The following IL1RAPL1 variants were observed in gnomAD, a reference collection of about 807,000 sequenced individuals.
IL1RAPL1 encodes the protein interleukin 1 receptor accessory protein like 1.
IL1RAPL1 carries 3 observed loss-of-function variants against 48.4 expected under a neutral mutation model. The ratio of observed to expected loss-of-function variants is 0.06; its 90% CI spans 0.03 to 0.16. The LOEUF (loss-of-function observed/expected upper bound fraction) is 0.16. Ranked by LOEUF, IL1RAPL1 falls within the 10% of genes least tolerant of loss-of-function variation. The pLI is 1.00. For synonymous variants in IL1RAPL1, 185 were observed against 187.7 expected (o/e 0.99, Z 0.12); for missense variants, 349 against 530.6 (o/e 0.66, Z 3.36).
intron 5 of IL1RAPL1, among the ~76,000 whole-genome samples, chrX:29,644,773 G>A (rs915385174): frequency 1.8e-5 from 2 of 112,023 alleles, no homozygotes; most frequent in African/African-American, 6.5e-5. Flanking sequence ...CACCATGGCA[G>A]CCAGGCTGGT....
intron 2 of IL1RAPL1, among the ~76,000 whole-genome samples, chrX:28,856,335 G>A (rs1361362776): frequency 8.9e-6 from 1 of 111,963 alleles, no homozygotes; most frequent in Non-Finnish European, 1.9e-5. Context: ...TTATGCAAAT[G>A]TTGTTAAAAC....
intron 2 of IL1RAPL1, among the ~76,000 whole-genome samples, chrX:29,237,517 G>A (rs1005403936): frequency 8.9e-6 from 1 of 112,323 alleles, no homozygotes; most frequent in African/African-American, 3.2e-5. Context: ...TGTACACATC[G>A]ATAAGTAGTT....
intron 2 of IL1RAPL1, among the ~76,000 whole-genome samples, chrX:29,122,409 T>TCACACACACACACACA (rs59677285): frequency 1.4e-4 from 9 of 64,590 alleles, no homozygotes; most frequent in African/African-American, 6.2e-4. Flanking sequence ...TCTCTCTCTC[T>TCACACACACACACACA]CACACACACA....
At chrX:29,652,643 C>G (rs1269366053) in intron 5 of IL1RAPL1, among the ~76,000 whole-genome samples, 1 of 111,570 alleles carries the variant, frequency 9.0e-6, no homozygotes, top group Non-Finnish European at 1.9e-5. Context: ...AACCATTGTT[C>G]TGCTGTTACT....
At chrX:29,019,472 A>G (rs1926315421) in intron 2 of IL1RAPL1, among the ~76,000 whole-genome samples, 1 of 111,512 alleles carries the variant, frequency 9.0e-6, no homozygotes, top group South Asian at 3.8e-4. Context: ...TGAACGAACA[A>G]TAGAGCGAGA....
chrX:29,404,253 T>G (rs1029345669), intron 5 of IL1RAPL1, among the ~76,000 whole-genome samples: 1 of 112,181 alleles, frequency 8.9e-6, no homozygotes, highest in Admixed American at 9.5e-5. Flanking sequence ...TGGAAACAAC[T>G]GATCTTTTTA....
intron 5 of IL1RAPL1, among the ~76,000 whole-genome samples, chrX:29,557,840 G>A (rs887102913): frequency 9.1e-6 from 1 of 110,344 alleles, no homozygotes; most frequent in African/African-American, 3.3e-5. Context: ...GTCACAAATG[G>A]CATGATATCC....
chrX:29,038,072 C>CAA (rs375388476), intron 2 of IL1RAPL1, among the ~76,000 whole-genome samples: 2 of 101,256 alleles, frequency 2.0e-5, no homozygotes, highest in African/African-American at 7.2e-5. Flanking sequence ...AGCTGCTATG[C>CAA]AAAAAAAAAA....
At chrX:29,565,227 G>A (rs963178373) in intron 5 of IL1RAPL1, among the ~76,000 whole-genome samples, 6 of 110,548 alleles carry the variant, frequency 5.4e-5, no homozygotes, top group East Asian at 5.6e-4. Context: ...AAATCAATAC[G>A]CAGGGTATGA....
chrX:28,936,234 G>A (rs1924011604), intron 2 of IL1RAPL1, among the ~76,000 whole-genome samples: 1 of 110,892 alleles, frequency 9.0e-6, no homozygotes, highest in Non-Finnish European at 1.9e-5. Flanking sequence ...TGAGTTTTGA[G>A]GTTTTTTCAG....
chrX:29,607,496 T>A (rs1171244432), intron 5 of IL1RAPL1, among the ~76,000 whole-genome samples: 1 of 111,969 alleles, frequency 8.9e-6, no homozygotes, highest in African/African-American at 3.2e-5. Flanking sequence ...GTGCCTTCTT[T>A]GAAGAAATTA....
chrX:28,593,336 A>G (rs1287937081), intron 1 of IL1RAPL1, among the ~76,000 whole-genome samples: 1 of 111,838 alleles, frequency 8.9e-6, no homozygotes, highest in Non-Finnish European at 1.9e-5. Context: ...TGAACTGTGA[A>G]TAAAGCAAAG....
At position 29,128,921 on chromosome X, in the gene IL1RAPL1, GTTTGGTGTTCATC is replaced by G. The variant is rs1315354581; in HGVS notation, c.83-154015_83-154003del. 2.7e-4 allele frequency among the ~76,000 whole-genome samples: 30 copies of G among 110,742 alleles called. 1 individual carries two copies. The Admixed American group carries it at 2.7e-3, about 10-fold the overall frequency. On this transcript the variant is annotated intron_variant, in intron 2 of 10. Transcript: ENST00000378993. ...GTCCTGGATAAAGACAATTGAATATGTTTGGTGTTCATCTAATTTGCAATTCAAAACCACCACG... is the reference window on the plus strand; with the variant it reads ...GTCCTGGATAAAGACAATTGAATATGTAATTTGCAATTCAAAACCACCACG...
At chrX:28,888,598 G>A (rs1391953256) in intron 2 of IL1RAPL1, among the ~76,000 whole-genome samples, 1 of 110,905 alleles carries the variant, frequency 9.0e-6, no homozygotes, top group Non-Finnish European at 1.9e-5. Context: ...CTGGAGTTGT[G>A]GAGGCAGGGG....
chrX:29,482,033 T>G (rs1334297346), intron 5 of IL1RAPL1, among the ~76,000 whole-genome samples: 1 of 111,750 alleles, frequency 8.9e-6, no homozygotes, highest in African/African-American at 3.3e-5. Flanking sequence ...TATTATACTT[T>G]TAAAGCATTT....
At chrX:28,716,976 A>G (rs767827634) in intron 1 of IL1RAPL1, among the ~76,000 whole-genome samples, 16 of 111,984 alleles carry the variant, frequency 1.4e-4, no homozygotes, top group Middle Eastern at 4.6e-3. Flanking sequence ...CACACCAGTC[A>G]GAATGGCTAC....
chrX:29,473,848 G>A (rs954840890), intron 5 of IL1RAPL1, among the ~76,000 whole-genome samples: 8 of 111,277 alleles, frequency 7.2e-5, no homozygotes, highest in Non-Finnish European at 1.5e-4. Flanking sequence ...TTGATCTACA[G>A]ATCCTTTTGA....
intron 2 of IL1RAPL1, among the ~76,000 whole-genome samples, chrX:29,078,948 A>T (rs1316887920): frequency 8.9e-6 from 1 of 112,162 alleles, no homozygotes; most frequent in Non-Finnish European, 1.9e-5. Flanking sequence ...TTAACATCTC[A>T]TGTGAATTTA....
intron 2 of IL1RAPL1, among the ~76,000 whole-genome samples, chrX:29,253,555 C>A (rs987795102): frequency 9.0e-6 from 1 of 111,368 alleles, no homozygotes; most frequent in East Asian, 2.8e-4. Context: ...ACAAACTCCT[C>A]ATTTAATTGG....
Sources: allele counts gnomAD v4.1 joint callset (sites outside exome capture counted in the v4.1 genomes callset), GRCh38; gene constraint gnomAD v4.1.1; transcripts MANE v1.5; gene names NCBI Gene and HGNC (gene_info 2026-07-23, HGNC 2026-07-21).